ARHGEF17: variants seen among roughly 807,000 people sequenced by gnomAD.
ARHGEF17 encodes the protein Rho guanine nucleotide exchange factor 17, also known as 164 kDa Rho-specific guanine-nucleotide exchange factor.
In ARHGEF17, 80 loss-of-function variants were observed where a neutral mutation model predicts 174.0. That is an observed-to-expected ratio of 0.46 (90% confidence interval 0.38 to 0.55). ARHGEF17 has a LOEUF of 0.55. Ranked by LOEUF, ARHGEF17 falls within the 20% of genes least tolerant of loss-of-function variation. ARHGEF17 has a pLI of 0.00. For missense variants in ARHGEF17, 2,886 were observed against 2,839.7 expected (o/e 1.02, Z -0.37); for synonymous variants, 1,311 against 1,189.1 (o/e 1.10, Z -2.11).
At position 73,308,651 on chromosome 11, in the gene ARHGEF17, G is replaced by T. The variant is rs762665620; in HGVS notation, c.13G>T (p.Ala5Ser). MADG[A>S]PRPQLYRSVS... is the part of the protein sequence containing the mutation. ...GAGTTACGCCACTATGGCGGACGGG[G>T]CACCCCGGCCCCAGCTTTACCGCAG... is the stretch of plus-strand genomic sequence containing the variant. The change falls in exon 1 of 21, where the codon GCA becomes TCA. Residue 5 changes from alanine to serine, a missense_variant. Around this residue, in one of 4 missense-constraint regions of ARHGEF17, gnomAD observed 1,728 missense variants for 1,461.2 expected, o/e 1.18. Transcript: ENST00000263674. 44 of 1,503,424 alleles carry T rather than the reference G, an allele frequency of 2.9e-5. No homozygotes were observed. The Admixed American group carries it at 9.1e-4, about 31-fold the overall frequency. The allele number at this position is 1,503,424 out of a possible 1,614,324, so 93.1% of individuals were successfully genotyped here.
intron 2 of ARHGEF17, among the ~76,000 whole-genome samples, chr11:73,351,373 C>G (rs906543585): frequency 6.6e-6 from 1 of 152,258 alleles, no homozygotes; most frequent in Non-Finnish European, 1.5e-5. Context: ...AGAGGGCGAC[C>G]TCTCCACAAG....
At chr11:73,339,384 G>T (rs952087352) in intron 1 of ARHGEF17, among the ~76,000 whole-genome samples, 4 of 152,164 alleles carry the variant, frequency 2.6e-5, no homozygotes, top group Non-Finnish European at 5.9e-5. Context: ...TCATTGATCT[G>T]TTCATCCATT....
chr11:73,344,270 CTA>C (rs1478248043), intron 1 of ARHGEF17, among the ~76,000 whole-genome samples: 4 of 152,374 alleles, frequency 2.6e-5, no homozygotes, highest in Non-Finnish European at 5.9e-5. Flanking sequence ...CCCCCGCACA[CTA>C]CACCCGTGGT....
At position 73,329,322 on chromosome 11, in the gene ARHGEF17, C is replaced by CGTGT. The variant is rs1314272506; in HGVS notation, c.3192+17492_3192+17493insGTGT. Among the ~76,000 whole-genome samples, 39 of 15,314 alleles carry CGTGT rather than the reference C, an allele frequency of 2.5e-3. 2 individuals are homozygous for CGTGT. Among genetic ancestry groups the CGTGT allele is most frequent in the African/African-American group, 8.4e-3 (37 of 4,408 alleles). 10.0% of individuals were successfully genotyped at this position (15,314 alleles called of 152,430 possible). The stretch of plus-strand genomic sequence containing the variant: ...GCCTTATCAGTATTTTGAGAGCTTT[C>CGTGT]ATATATATATATATATATATATATA... On this transcript the variant is annotated intron_variant, in intron 1 of 20. Coordinates refer to ENST00000263674, the MANE Select transcript of ARHGEF17 (RefSeq NM_014786.4).
At position 73,326,092 on chromosome 11, in the gene ARHGEF17, C is replaced by T. The variant is rs7118135; in HGVS notation, c.3192+14262C>T. Among the ~76,000 whole-genome samples the T allele has an allele frequency of 8.1e-3, 1,233 of 152,296 alleles. 18 individuals carry two copies. Among genetic ancestry groups the T allele is most frequent in the African/African-American group, 0.027 (1,140 of 41,556 alleles). On this transcript the variant is annotated intron_variant, in intron 1 of 20. Transcript: ENST00000263674. ...TGTGGCCCACTGGTGCCTGTATGTG[C>T]AGGGTTAGCATGGGGGCCGCAGGGT...
chr11:73,341,982 G>A (rs1022065506), intron 1 of ARHGEF17, among the ~76,000 whole-genome samples: 1 of 148,568 alleles, frequency 6.7e-6, no homozygotes, highest in African/African-American at 2.4e-5. Flanking sequence ...CAGGTTGCTC[G>A]CCCCCACCCC....
intron 12 of ARHGEF17, among the ~76,000 whole-genome samples, chr11:73,361,725 G>GC (rs1437356481): frequency 2.6e-5 from 4 of 151,954 alleles, no homozygotes; most frequent in African/African-American, 9.7e-5. Context: ...TTAGTGGCGC[G>GC]CCCCTGTGGT....
rs117763344 is a variant in ARHGEF17 at position 73,361,375 on chromosome 11, T to C, written c.4494+214T>C. Among the ~76,000 whole-genome samples the C allele has an allele frequency of 6.1e-3, 930 of 152,350 alleles. 9 individuals carry two copies. Among genetic ancestry groups the C allele is most frequent in the Middle Eastern group, 0.027 (8 of 294 alleles). On this transcript the variant is annotated intron_variant, in intron 12 of 20. Coordinates refer to ENST00000263674, the MANE Select transcript of ARHGEF17 (RefSeq NM_014786.4). ...CTTCGTGCATATCTGTATCTGTGCATGTGAACAAAGGTTATATGAATGATG... is the reference window on the plus strand; with the variant it reads ...CTTCGTGCATATCTGTATCTGTGCACGTGAACAAAGGTTATATGAATGATG...
At chr11:73,337,330 C>T (rs1329546088) in intron 1 of ARHGEF17, among the ~76,000 whole-genome samples, 1 of 151,400 alleles carries the variant, frequency 6.6e-6, no homozygotes, top group Non-Finnish European at 1.5e-5. Flanking sequence ...TCGCTTGAGC[C>T]CAGGAGTTTG....
At position 73,364,469 on chromosome 11, in the gene ARHGEF17, C is replaced by G. The variant is rs1237959751; in HGVS notation, c.5419C>G (p.Gln1807Glu). 1 of 1,613,398 alleles carries G rather than the reference C, an allele frequency of 6.2e-7. No individual in the cohort carries two copies. The highest frequency in any genetic ancestry group is 8.5e-7 in the Non-Finnish European group (1 of 1,179,936). Residue 1807 changes from glutamine (Q) to glutamate (E), a missense_variant, in exon 18 of 21, where the codon CAG becomes GAG. By Grantham distance (29) the Gln-to-Glu change is conservative. Transcript: ENST00000263674. ...QREAGHFWDP[Q>E]NFKSVTLGTQ... Reference sequence around the variant, plus strand: ...CACTCCAGGCCATTTCTGGGACCCCCAGAACTTCAAATCAGTGACCTTGGG... The same window carrying G: ...CACTCCAGGCCATTTCTGGGACCCCGAGAACTTCAAATCAGTGACCTTGGG...
At chr11:73,366,932 C>T (rs999558569) in intron 20 of ARHGEF17, among the ~76,000 whole-genome samples, 1 of 152,134 alleles carries the variant, frequency 6.6e-6, no homozygotes, top group South Asian at 2.1e-4. Flanking sequence ...CCCAGCTACT[C>T]GGGAGGCTGA....
chr11:73,363,193 T>A lies in ARHGEF17; in HGVS notation c.4997-13T>A. 3.9e-6 allele frequency: 6 copies of A among 1,529,608 alleles called. No homozygotes were observed. Among genetic ancestry groups the A allele is most frequent in the Non-Finnish European group, 5.3e-6 (6 of 1,136,550 alleles). 94.8% of individuals were successfully genotyped at this position (1,529,608 alleles called of 1,614,324 possible). On this transcript the variant is annotated splice_polypyrimidine_tract_variant and intron_variant, in intron 14 of 20. Coordinates refer to ENST00000263674, the MANE Select transcript of ARHGEF17 (RefSeq NM_014786.4). ...CAGAGGGAAATGGAGACAGAGACCTTTGTCTCCCTCAGATGAGGAGACCCC... is the reference window on the plus strand; with the variant it reads ...CAGAGGGAAATGGAGACAGAGACCTATGTCTCCCTCAGATGAGGAGACCCC...
rs764606422 is a variant in ARHGEF17, at chr11:73,356,341, G to A, written c.3830G>A (p.Gly1277Asp). Residue 1277 changes from glycine to aspartate, a missense_variant, in exon 6 of 21, where the codon GGC becomes GAC. This residue lies in a region of ARHGEF17 where 353 missense variants were observed against 470.3 expected (regional missense o/e 0.75). Coordinates refer to ENST00000263674, the MANE Select transcript of ARHGEF17 (RefSeq NM_014786.4). ...CAGGAGATAGAGGCTCACATCGAGG[G>A]CATGGAGGATGTGCGTGCGCCCTGC... The part of the protein sequence containing the change: ...VLQEIEAHIE[G>D]MEDLQAPLRR... The A allele has an allele frequency of 6.2e-7, 1 of 1,610,552 alleles. No individual in the cohort carries two copies. Among genetic ancestry groups the A allele is most frequent in the South Asian group, 1.1e-5 (1 of 91,000 alleles).
rs966120895 is a variant in ARHGEF17, at chr11:73,309,686, C to G, written c.1048C>G (p.Pro350Ala). The G allele has an allele frequency of 5.6e-6, 9 of 1,613,064 alleles. No homozygotes were observed. Among genetic ancestry groups the G allele is most frequent in the Admixed American group, 1.7e-5 (1 of 60,032 alleles). The part of the protein sequence containing the change: ...GLREWGSGSP[P>A]CVPGPQEGLR... ...CCGGGAGTGGGGTAGTGGCTCTCCG[C>G]CCTGCGTCCCAGGTCCCCAGGAGGG... Residue 350 changes from proline to alanine, a missense_variant, in exon 1 of 21, where the codon CCC (proline) becomes GCC (alanine). Physicochemically the swap from Pro to Ala is conservative, Grantham distance 27 (BLOSUM62 -1). Around this residue, in one of 4 missense-constraint regions of ARHGEF17, gnomAD observed 1,728 missense variants for 1,461.2 expected, o/e 1.18. Coordinates refer to ENST00000263674, the MANE Select transcript of ARHGEF17 (RefSeq NM_014786.4).
chr11:73,353,044 A>G, intron 3 of ARHGEF17, 32 bp downstream of exon 3: 1 of 1,610,714 alleles, frequency 6.2e-7, no homozygotes, highest in Non-Finnish European at 8.5e-7. Context: ...AATTCCCACA[A>G]GCACAGGCCC....
At chr11:73,341,948 G>A (rs1178430100) in intron 1 of ARHGEF17, among the ~76,000 whole-genome samples, 2 of 152,180 alleles carry the variant, frequency 1.3e-5, no homozygotes, top group Non-Finnish European at 2.9e-5. Flanking sequence ...CCCCCATCTT[G>A]CTGGGTGGGA....
intron 1 of ARHGEF17, among the ~76,000 whole-genome samples, chr11:73,333,879 A>C (rs1460920726): frequency 6.6e-6 from 1 of 152,196 alleles, no homozygotes; most frequent in Non-Finnish European, 1.5e-5. Flanking sequence ...CATATATCAA[A>C]TGCGTAGAAA....
chr11:73,359,264 G>A (rs1865696232), intron 9 of ARHGEF17, among the ~76,000 whole-genome samples: 1 of 152,258 alleles, frequency 6.6e-6, no homozygotes, highest in African/African-American at 2.4e-5. Flanking sequence ...TGGCCCAAGG[G>A]TGGAGGGACA....
intron 1 of ARHGEF17, among the ~76,000 whole-genome samples, chr11:73,315,969 A>C: frequency 7.0e-6 from 1 of 142,858 alleles, no homozygotes. Context: ...CAGGCTACAC[A>C]TTGCTGCCCC....
Sources: gnomAD v4.1 joint callset for allele counts (sites outside exome capture counted in the v4.1 genomes callset) on GRCh38, gnomAD v4.1.1 for gene constraint, gnomAD v4.1.1 regional missense constraint, MANE v1.5 for transcripts, NCBI Gene and HGNC (gene_info 2026-07-23, HGNC 2026-07-21) for gene names.